CSMD1: variants seen among roughly 807,000 people sequenced by gnomAD.
CSMD1 encodes CUB and sushi domain-containing protein 1.
Under a neutral mutation model 417.5 loss-of-function variants are expected in CSMD1, and 213 were observed. The ratio of observed to expected loss-of-function variants is 0.51; its 90% CI spans 0.46 to 0.57. The LOEUF is 0.57. Among genes scored for constraint, CSMD1 ranks in the 20% least tolerant of loss-of-function variants. The probability of loss-of-function intolerance (pLI) is 0.00; values close to 1 mark genes in which losing one functional copy is unlikely to be tolerated. For synonymous variants in CSMD1, 2,862 were observed against 1,736.8 expected (o/e 1.65, Z -16.11); for missense variants, 6,923 against 4,529.7 (o/e 1.53, Z -15.17).
chr8:3,872,370 G>A (rs2129113527), intron 5 of CSMD1, among the ~76,000 whole-genome samples: 1 of 152,274 alleles, frequency 6.6e-6, no homozygotes, highest in East Asian at 1.9e-4. Flanking sequence ...TTGGCAAGAT[G>A]TCCCTGCTTC....
At chr8:3,725,713 G>C (rs571657266) in intron 6 of CSMD1, among the ~76,000 whole-genome samples, 46 of 152,010 alleles carry the variant, frequency 3.0e-4, no homozygotes, top group Admixed American at 7.9e-4. Flanking sequence ...TGAGAGAGTA[G>C]GCAGAGGGCC....
intron 3 of CSMD1, among the ~76,000 whole-genome samples, chr8:4,220,476 T>G (rs1293660483): frequency 2.0e-5 from 3 of 152,200 alleles, no homozygotes; most frequent in Non-Finnish European, 1.5e-5. Context: ...ATGCATTAAT[T>G]TTAAAACATC....
At chr8:4,269,476 A>G (rs561790694) in intron 3 of CSMD1, among the ~76,000 whole-genome samples, 1 of 152,320 alleles carries the variant, frequency 6.6e-6, no homozygotes, top group Admixed American at 6.5e-5. Context: ...GAGCTCATGT[A>G]TTCTTTGACT....
chr8:3,247,361 C>T (rs919632156), intron 26 of CSMD1, among the ~76,000 whole-genome samples: 2 of 152,102 alleles, frequency 1.3e-5, no homozygotes, highest in African/African-American at 2.4e-5. Flanking sequence ...CCTGCTTGCT[C>T]CTGAACCGCT....
At chr8:3,262,230 T>TATATATATATATATAC (rs770901446) in intron 26 of CSMD1, among the ~76,000 whole-genome samples, 1 of 95,690 alleles carries the variant, frequency 1.0e-5, no homozygotes, top group Non-Finnish European at 2.0e-5. Flanking sequence ...TATATATATA[T>TATATATATATATATAC]ACACACACAT....
intron 2 of CSMD1, among the ~76,000 whole-genome samples, chr8:4,436,629 A>G (rs1798164592): frequency 6.6e-6 from 1 of 151,780 alleles, no homozygotes; most frequent in African/African-American, 2.4e-5. Flanking sequence ...TCCTTCTTCT[A>G]TTTTTTTTAA....
intron 3 of CSMD1, among the ~76,000 whole-genome samples, chr8:4,232,230 C>T (rs1020194394): frequency 2.0e-5 from 3 of 152,184 alleles, no homozygotes; most frequent in African/African-American, 7.2e-5. Flanking sequence ...GAGTCTCGCT[C>T]TGTCAGTCAC....
intron 1 of CSMD1, among the ~76,000 whole-genome samples, chr8:4,943,260 C>T (rs901213367): frequency 4.6e-5 from 7 of 152,080 alleles, no homozygotes; most frequent in South Asian, 2.1e-4. Flanking sequence ...CTTTGGGCGG[C>T]CCAGGCGGGC....
chr8:4,050,255 T>C (rs1798354123), intron 3 of CSMD1, among the ~76,000 whole-genome samples: 1 of 152,146 alleles, frequency 6.6e-6, no homozygotes, highest in Admixed American at 6.5e-5. Context: ...TATTTTTACT[T>C]CCTTGCAGCC....
chr8:4,912,329 G>C (rs569438736), intron 1 of CSMD1, among the ~76,000 whole-genome samples: 2 of 149,580 alleles, frequency 1.3e-5, no homozygotes, highest in Non-Finnish European at 3.0e-5. Flanking sequence ...GAAGAGGGAA[G>C]AATTTCTTAC....
At chr8:4,681,586 G>A (rs544816330) in intron 1 of CSMD1, among the ~76,000 whole-genome samples, 17 of 152,222 alleles carry the variant, frequency 1.1e-4, no homozygotes, top group East Asian at 5.8e-4. Context: ...AAAATACGAC[G>A]AGTGGAACTC....
At chr8:4,354,932 T>G (rs1236867840) in intron 3 of CSMD1, among the ~76,000 whole-genome samples, 2 of 146,936 alleles carry the variant, frequency 1.4e-5, no homozygotes, top group African/African-American at 5.0e-5. Context: ...TATTTTCAGG[T>G]TGAAAGAAAC....
At chr8:4,119,498 T>C (rs1016335050) in intron 3 of CSMD1, among the ~76,000 whole-genome samples, 1 of 152,212 alleles carries the variant, frequency 6.6e-6, no homozygotes, top group Non-Finnish European at 1.5e-5. Context: ...TAATCCTCAA[T>C]GTCCTGGTAT....
At chr8:4,393,572 C>T (rs1341504696) in intron 3 of CSMD1, among the ~76,000 whole-genome samples, 1 of 152,238 alleles carries the variant, frequency 6.6e-6, no homozygotes, top group East Asian at 1.9e-4. Context: ...AAGAGAAAGG[C>T]CTTCTGACTC....
chr8:4,526,313 C>T (rs1796509130), intron 2 of CSMD1, among the ~76,000 whole-genome samples: 3 of 152,168 alleles, frequency 2.0e-5, no homozygotes, highest in African/African-American at 7.2e-5. Context: ...GTATTAATGT[C>T]AGAAATACTT....
intron 5 of CSMD1, among the ~76,000 whole-genome samples, chr8:3,797,011 T>C (rs12549474): frequency 0.81 from 122,698 of 151,686 alleles, 49,797 homozygotes; most frequent in Middle Eastern, 0.86. Context: ...AATAATGTTG[T>C]TAATTATATA....
At chr8:4,251,026 A>G (rs1474550300) in intron 3 of CSMD1, among the ~76,000 whole-genome samples, 1 of 152,220 alleles carries the variant, frequency 6.6e-6, no homozygotes, top group Non-Finnish European at 1.5e-5. Context: ...GCATATTTTT[A>G]GATACTGGAC....
intron 59 of CSMD1, among the ~76,000 whole-genome samples, chr8:2,964,639 C>G (rs1803796894): frequency 6.6e-6 from 1 of 152,210 alleles, no homozygotes; most frequent in South Asian, 2.1e-4. Context: ...ACCATTTGAC[C>G]TGAATACTGC....
At chr8:4,074,392 A>G (rs1489170450) in intron 3 of CSMD1, among the ~76,000 whole-genome samples, 3 of 152,138 alleles carry the variant, frequency 2.0e-5, no homozygotes, top group Non-Finnish European at 4.4e-5. Context: ...TTCAATGTCT[A>G]TCTCATCAAG....
Sources: allele counts gnomAD v4.1 joint callset (sites outside exome capture counted in the v4.1 genomes callset), GRCh38; gene constraint gnomAD v4.1.1; transcripts MANE v1.5; gene names NCBI Gene and HGNC (gene_info 2026-07-23, HGNC 2026-07-21).